DEPDC1B: variants seen among roughly 807,000 people sequenced by gnomAD.
The protein encoded by DEPDC1B is DEP domain containing 1B.
In DEPDC1B, 51 loss-of-function variants were observed where a neutral mutation model predicts 66.5. The observed-to-expected ratio is 0.77, with a 90% CI of 0.61 to 0.97. DEPDC1B has a LOEUF of 0.97. Ranked by LOEUF, DEPDC1B falls within the 50% of genes least tolerant of loss-of-function variation. The pLI, the probability that DEPDC1B is intolerant of heterozygous loss-of-function variation, is 0.00. For synonymous variants in DEPDC1B, 226 were observed against 223.6 expected (o/e 1.01, Z -0.10); for missense variants, 552 against 637.1 (o/e 0.87, Z 1.44).
At chr5:60,696,530 C>A (rs1754657960) in intron 1 of DEPDC1B, among the ~76,000 whole-genome samples, 1 of 152,022 alleles carries the variant, frequency 6.6e-6, no homozygotes, top group Admixed American at 6.6e-5. Context: ...AAATAAGTAT[C>A]TTTAAATAAT....
chr5:60,672,143 A>G (rs1479141958), intron 2 of DEPDC1B, among the ~76,000 whole-genome samples: 3 of 152,232 alleles, frequency 2.0e-5, no homozygotes, highest in Non-Finnish European at 4.4e-5. Context: ...GGATACAGAG[A>G]TAAAGGAACA....
chr5:60,698,719 G>A (rs1407015754), intron 1 of DEPDC1B, among the ~76,000 whole-genome samples: 1 of 149,470 alleles, frequency 6.7e-6, no homozygotes, highest in African/African-American at 2.5e-5. Flanking sequence ...AGGCTGGAGT[G>A]CAATGGCGCG....
chr5:60,658,413 A>G (rs1034584270), intron 2 of DEPDC1B, among the ~76,000 whole-genome samples: 14 of 152,008 alleles, frequency 9.2e-5, no homozygotes, highest in Non-Finnish European at 1.8e-4. Flanking sequence ...CTTCCTTTTC[A>G]TTTGTGTAGA....
intron 2 of DEPDC1B, among the ~76,000 whole-genome samples, chr5:60,659,044 T>C (rs574797760): frequency 2.6e-5 from 4 of 152,292 alleles, no homozygotes; most frequent in Non-Finnish European, 5.9e-5. Context: ...TCGTCCTAAT[T>C]GAGCTGAACA....
intron 7 of DEPDC1B, among the ~76,000 whole-genome samples, chr5:60,628,907 T>C (rs1466823623): frequency 6.6e-6 from 1 of 152,254 alleles, no homozygotes; most frequent in Non-Finnish European, 1.5e-5. Context: ...TTTATCCTGC[T>C]GAAATGGTGG....
chr5:60,622,231 A>G (rs1353079703), intron 7 of DEPDC1B, among the ~76,000 whole-genome samples: 1 of 152,140 alleles, frequency 6.6e-6, no homozygotes, highest in Non-Finnish European at 1.5e-5. Context: ...GTTTGGCAGT[A>G]AGGCCTCTCG....
intron 2 of DEPDC1B, among the ~76,000 whole-genome samples, chr5:60,680,316 T>C (rs555257337): frequency 8.7e-4 from 133 of 152,326 alleles, no homozygotes; most frequent in African/African-American, 3.1e-3. Context: ...AACATCTCAT[T>C]ATTATTATAG....
intron 1 of DEPDC1B, among the ~76,000 whole-genome samples, chr5:60,696,792 C>T (rs1754664438): frequency 6.6e-6 from 1 of 152,108 alleles, no homozygotes; most frequent in Non-Finnish European, 1.5e-5. Context: ...ATGAGGCAAA[C>T]TATAAGACAT....
intron 1 of DEPDC1B, among the ~76,000 whole-genome samples, chr5:60,696,876 AT>A (rs1256007747): frequency 6.6e-6 from 1 of 152,146 alleles, no homozygotes; most frequent in Non-Finnish European, 1.5e-5. Context: ...CAAAAATATT[AT>A]GATAGCGGTG....
chr5:60,623,776 G>GT (rs1251379240), intron 7 of DEPDC1B, among the ~76,000 whole-genome samples: 3 of 151,984 alleles, frequency 2.0e-5, no homozygotes, highest in African/African-American at 7.2e-5. Context: ...AGTATTCCAT[G>GT]TTTTTTGGTG....
rs72755147 is a variant in DEPDC1B, at chr5:60,613,826, G to A, written c.899-7970C>T. Among the ~76,000 whole-genome samples, 586 of 92,264 alleles carry A rather than the reference G, an allele frequency of 6.4e-3. 7 individuals are homozygous for A. The highest frequency in any genetic ancestry group is 9.7e-3 in the African/African-American group (289 of 29,918). 60.5% of individuals were successfully genotyped at this position (92,264 alleles called of 152,430 possible). On this transcript the variant is annotated intron_variant, in intron 7 of 10. Coordinates refer to ENST00000265036, the MANE Select transcript of DEPDC1B (RefSeq NM_018369.3). Reference sequence around the variant, plus strand: ...TGTGTGTGTGTGTGTGTGTGTGTGTGTGTATACATAAAAAACAGATGTAGG... The same window carrying A: ...TGTGTGTGTGTGTGTGTGTGTGTGTATGTATACATAAAAAACAGATGTAGG...
rs1554054980 is a variant in DEPDC1B, at chr5:60,667,991, TTA to T, written c.314+18969_314+18970del. 2.4e-3 allele frequency among the ~76,000 whole-genome samples: 224 copies of T among 93,762 alleles called. 4 individuals are homozygous for T. Among genetic ancestry groups the T allele is most frequent in the Non-Finnish European group, 3.3e-3 (180 of 54,894 alleles). The allele number at this position is 93,762 out of a possible 152,430, so 61.5% of individuals were successfully genotyped here. A position where few individuals can be genotyped will look rare whatever the true frequency, so the allele number is the denominator to read the frequency against. ...ATATTTTATATATATAAAATGGATA[TTA>T]TATATATAAAATGGATATTTTATAT... On this transcript the variant is annotated intron_variant, in intron 2 of 10. Coordinates refer to ENST00000265036, the MANE Select transcript of DEPDC1B (RefSeq NM_018369.3).
chr5:60,637,216 C>T (rs996211227), intron 7 of DEPDC1B, among the ~76,000 whole-genome samples: 6 of 152,098 alleles, frequency 3.9e-5, no homozygotes, highest in Non-Finnish European at 7.4e-5. Context: ...CTCCAGTGTT[C>T]GAGGTGGGGC....
intron 8 of DEPDC1B, among the ~76,000 whole-genome samples, chr5:60,604,512 C>T (rs576951537): frequency 2.6e-5 from 4 of 151,958 alleles, no homozygotes; most frequent in Non-Finnish European, 4.4e-5. Context: ...TGAGCCACCA[C>T]GCCCAGCCTA....
At chr5:60,621,248 C>T (rs1290579119) in intron 7 of DEPDC1B, among the ~76,000 whole-genome samples, 4 of 150,898 alleles carry the variant, frequency 2.7e-5, no homozygotes, top group African/African-American at 9.8e-5. Context: ...TGTAACAAAC[C>T]TGCATGTTGT....
chr5:60,618,672 G>C (rs62373025), intron 7 of DEPDC1B, among the ~76,000 whole-genome samples: 69,730 of 151,946 alleles, frequency 0.46, 17,291 homozygotes, highest in Admixed American at 0.56. Context: ...TAAAAGTCCA[G>C]GACCAGACGG....
chr5:60,629,036 G>A (rs1179274654), intron 7 of DEPDC1B, among the ~76,000 whole-genome samples: 1 of 152,130 alleles, frequency 6.6e-6, no homozygotes, highest in Non-Finnish European at 1.5e-5. Context: ...GGCAGCTCTG[G>A]GATGACTTGG....
chr5:60,662,367 AAC>A (rs1753736718), intron 2 of DEPDC1B, among the ~76,000 whole-genome samples: 1 of 152,142 alleles, frequency 6.6e-6, no homozygotes, highest in Non-Finnish European at 1.5e-5. Flanking sequence ...CAGCCTGGGC[AAC>A]AGAGTGAGAC....
intron 2 of DEPDC1B, among the ~76,000 whole-genome samples, chr5:60,660,321 GGA>G (rs59091677): frequency 0.54 from 79,685 of 148,288 alleles, 21,806 homozygotes; most frequent in East Asian, 0.77. Context: ...ACAAAGGGGG[GGA>G]GAGAGAGAGA....
Sources: gnomAD v4.1 joint callset for allele counts (sites outside exome capture counted in the v4.1 genomes callset) on GRCh38, gnomAD v4.1.1 for gene constraint, MANE v1.5 for transcripts, NCBI Gene and HGNC (gene_info 2026-07-23, HGNC 2026-07-21) for gene names.